The following CLPB variants were observed in gnomAD, a reference collection of about 807,000 sequenced individuals.
CLPB encodes the protein mitochondrial disaggregase.
A neutral mutation model predicts 78.4 loss-of-function variants in CLPB; 40 were observed. The observed-to-expected ratio is 0.51, with a 90% CI of 0.40 to 0.66. The LOEUF (loss-of-function observed/expected upper bound fraction) is 0.66, where lower values mean the gene tolerates loss of function less well. Ranked by LOEUF, CLPB falls within the 30% of genes least tolerant of loss-of-function variation. CLPB has a pLI of 0.00. For synonymous variants in CLPB, 333 were observed against 348.0 expected (o/e 0.96, Z 0.48); for missense variants, 780 against 886.9 (o/e 0.88, Z 1.53).
chr11:72,353,275 A>G (rs1418166782), intron 5 of CLPB: 1 of 152,324 alleles, frequency 6.6e-6, no homozygotes. Flanking sequence ...AGGATTCACT[A>G]AAGTAGGTGG....
chr11:72,304,614 G>GA (rs1232206060), intron 9 of CLPB, among the ~76,000 whole-genome samples: 2 of 152,058 alleles, frequency 1.3e-5, no homozygotes, highest in African/African-American at 4.8e-5. Context: ...GCTAATGAGA[G>GA]AAAAAAATAA....
intron 2 of CLPB, among the ~76,000 whole-genome samples, chr11:72,408,747 C>A (rs187671205): frequency 6.6e-6 from 1 of 151,996 alleles, no homozygotes; most frequent in Admixed American, 6.6e-5. Flanking sequence ...CTGGGTAGGC[C>A]CCTCCCCTGC....
chr11:72,400,225 CA>C (rs113236917), intron 3 of CLPB, among the ~76,000 whole-genome samples: 9,373 of 150,554 alleles, frequency 0.062, 374 homozygotes, highest in African/African-American at 0.11. Context: ...CAGTAGGGGC[CA>C]AAAAAAAATT....
In CLPB at chr11:72,307,266, G is replaced by A. The variant is rs1479616799; in HGVS notation, c.1067-12C>T. ...CAGCTCTGTTTTTCCTAGTAAGAAA[G>A]AAGGGGGAGGTGTTGGGTTAGAACC... On this transcript the variant is annotated splice_polypyrimidine_tract_variant and intron_variant, in intron 8 of 15. Transcript: ENST00000538039. 4 of 1,613,634 alleles carry A rather than the reference G, an allele frequency of 2.5e-6. No homozygotes were observed. The highest frequency in any genetic ancestry group is 3.4e-6 in the Non-Finnish European group (4 of 1,179,624).
At chr11:72,314,678 A>G (rs560128380) in intron 7 of CLPB, among the ~76,000 whole-genome samples, 1 of 150,760 alleles carries the variant, frequency 6.6e-6, no homozygotes, top group South Asian at 2.2e-4. Context: ...CCTGCAGTCA[A>G]TTGCTCCTGA....
chr11:72,297,776 G>A (rs148898545), intron 11 of CLPB, among the ~76,000 whole-genome samples: 352 of 151,732 alleles, frequency 2.3e-3, no homozygotes, highest in South Asian at 8.1e-3. Flanking sequence ...CCTAAGGACT[G>A]GGTTCACACA....
chr11:72,421,154 G>T (rs112097313), intron 2 of CLPB, among the ~76,000 whole-genome samples: 7,082 of 152,218 alleles, frequency 0.047, 497 homozygotes, highest in African/African-American at 0.14. Context: ...AATCCCTTGA[G>T]TCCTATGCAA....
At chr11:72,337,667 T>A (rs985352942) in intron 5 of CLPB, among the ~76,000 whole-genome samples, 1 of 152,224 alleles carries the variant, frequency 6.6e-6, no homozygotes, top group Non-Finnish European at 1.5e-5. Context: ...ATATTTTACA[T>A]AATAAAAAGT....
At chr11:72,354,588 T>C in intron 5 of CLPB, 1 of 361,238 alleles carries the variant, frequency 2.8e-6, no homozygotes, top group Non-Finnish European at 4.9e-6. Flanking sequence ...TCCTACTGCC[T>C]CTTCCCCACC....
At chr11:72,408,296 G>T in intron 2 of CLPB, 1 of 908,626 alleles carries the variant, frequency 1.1e-6, no homozygotes, top group Non-Finnish European at 1.7e-6. Flanking sequence ...TGAAATGGAA[G>T]ATATTAATCC....
intron 6 of CLPB, among the ~76,000 whole-genome samples, chr11:72,322,481 G>T (rs1950061514): frequency 6.6e-6 from 1 of 152,162 alleles, no homozygotes; most frequent in African/African-American, 2.4e-5. Context: ...ACTGCGCCCG[G>T]CAATGACTGA....
intron 15 of CLPB, 35 bp downstream of exon 15, chr11:72,293,987 T>G (rs1201456138): frequency 1.3e-6 from 2 of 1,567,588 alleles, no homozygotes; most frequent in African/African-American, 2.7e-5. Flanking sequence ...GAGGGAGGTG[T>G]GGAGGCGCCT....
At chr11:72,364,135 C>T (rs1323913536) in intron 4 of CLPB, among the ~76,000 whole-genome samples, 1 of 152,176 alleles carries the variant, frequency 6.6e-6, no homozygotes, top group Non-Finnish European at 1.5e-5. Flanking sequence ...TTTTCCACCA[C>T]CATTCAAACT....
chr11:72,400,598 T>G (rs1025175652), intron 3 of CLPB, among the ~76,000 whole-genome samples: 1 of 152,104 alleles, frequency 6.6e-6, no homozygotes, highest in African/African-American at 2.4e-5. Flanking sequence ...CCTCTCCACC[T>G]CTCCTTCTTT....
intron 2 of CLPB, 22 bp downstream of exon 2, chr11:72,430,290 C>G (rs1275285604): frequency 1.2e-6 from 2 of 1,610,688 alleles, no homozygotes; most frequent in African/African-American, 2.7e-5. Flanking sequence ...TAGGGGAGAG[C>G]AAGGCCTGGG....
At chr11:72,409,236 AC>A (rs1454201497) in intron 2 of CLPB, among the ~76,000 whole-genome samples, 6 of 152,020 alleles carry the variant, frequency 3.9e-5, no homozygotes, top group Non-Finnish European at 7.4e-5. Flanking sequence ...GCAGTAGGTG[AC>A]CCCTATCTGG....
intron 3 of CLPB, among the ~76,000 whole-genome samples, chr11:72,400,397 C>T (rs1855527215): frequency 6.6e-6 from 1 of 152,222 alleles, no homozygotes; most frequent in East Asian, 1.9e-4. Context: ...CAACAAGCAT[C>T]ACTGATTTGC....
chr11:72,293,455 C>T lies in CLPB; in HGVS notation c.1946G>A (p.Arg649His), dbSNP rs780563254. ...PQAEKRLPKL[R>H]LEIIDKDSKT... ...GCTGTCCTTGTCGATGATCTCCAGA[C>T]GCAGCTTGGGGAGGCGCTTCTCAGC... is the stretch of plus-strand genomic sequence containing the variant. Residue 649 changes from arginine (R) to histidine (H), a missense_variant, in exon 16 of 16, where the codon CGT (arginine) becomes CAT (histidine). Physicochemically the swap from Arg to His is conservative, Grantham distance 29. Around this residue, in one of 3 missense-constraint regions of CLPB, gnomAD observed 272 missense variants for 304.0 expected, o/e 0.89. Transcript: ENST00000538039. 2.0e-5 allele frequency: 32 copies of T among 1,614,166 alleles called. No homozygotes were observed. The highest frequency in any genetic ancestry group is 1.1e-4 in the East Asian group (5 of 44,864).
At chr11:72,350,508 G>A (rs183297271) in intron 5 of CLPB, among the ~76,000 whole-genome samples, 2 of 152,198 alleles carry the variant, frequency 1.3e-5, no homozygotes, top group African/African-American at 4.8e-5. Flanking sequence ...TAATTAGCTG[G>A]TAATTTTGTA....
Sources: gnomAD v4.1 joint callset for allele counts (sites outside exome capture counted in the v4.1 genomes callset) on GRCh38, gnomAD v4.1.1 for gene constraint, gnomAD v4.1.1 regional missense constraint, MANE v1.5 for transcripts, NCBI Gene and HGNC (gene_info 2026-07-23, HGNC 2026-07-21) for gene names.